Variants in INTS10 observed in about 807,000 individuals in gnomAD.
The protein encoded by INTS10 is integrator complex subunit 10, also known as chromosome 8 open reading frame 35.
A neutral mutation model predicts 94.4 loss-of-function variants in INTS10; 44 were observed. The observed-to-expected ratio is 0.47, with a 90% CI of 0.37 to 0.60. The LOEUF (loss-of-function observed/expected upper bound fraction) is 0.60, where lower values mean the gene tolerates loss of function less well. INTS10 is among the 20% of genes least tolerant of loss of function. INTS10 has a pLI of 0.00. For missense variants in INTS10, 797 were observed against 868.7 expected (o/e 0.92, Z 1.04); for synonymous variants, 341 against 320.7 (o/e 1.06, Z -0.68).
At position 19,826,354 on chromosome 8, in the gene INTS10, T is replaced by A. The variant is rs892645797; in HGVS notation, c.1007-72T>A. On this transcript the variant is annotated intron_variant, in intron 8 of 16. Transcript: ENST00000397977. ...GCCTCAGCCTCCCAAAGGGCTGGGA[T>A]TGCAGGCATGAGCCACCGCGCCTGG... The A allele has an allele frequency of 2.1e-5, 31 of 1,478,192 alleles. No individual in the cohort carries two copies. In the African/African-American group the frequency reaches 3.9e-4, roughly 18 times the overall value. 91.6% of individuals were successfully genotyped at this position (1,478,192 alleles called of 1,614,324 possible).
At chr8:19,823,155 A>G (rs528760711) in intron 5 of INTS10, 146 bp from the exon 6 acceptor site, 19 of 618,532 alleles carry the variant, frequency 3.1e-5, no homozygotes, top group Non-Finnish European at 5.1e-5. Context: ...TCTGCACAGC[A>G]CATTTTGAAT....
At chr8:19,820,007 T>A (rs989749143) in intron 3 of INTS10, among the ~76,000 whole-genome samples, 2 of 152,226 alleles carry the variant, frequency 1.3e-5, no homozygotes, top group Admixed American at 1.3e-4. Context: ...TCTTTAAACT[T>A]CTGTATGTTG....
In INTS10 at chr8:19,817,530, C is replaced by T. The variant is rs765894335; in HGVS notation, c.-8C>T. ...GCTTCGGGCTGGCGGCTGGAGAGCG[C>T]TCGGGTCATGTCTGCCCAGGGGGAC... is the stretch of plus-strand genomic sequence containing the variant. On this transcript the variant is annotated 5_prime_UTR_variant, in exon 1 of 17. Coordinates refer to ENST00000397977, the MANE Select transcript of INTS10 (RefSeq NM_018142.4). 1 of 1,604,808 alleles carries T rather than the reference C, an allele frequency of 6.2e-7. No homozygotes were observed. Among genetic ancestry groups the T allele is most frequent in the South Asian group, 1.1e-5 (1 of 89,700 alleles).
chr8:19,844,365 A>G lies in INTS10; in HGVS notation c.1882+127A>G, dbSNP rs1485692744. 12 of 734,840 alleles carry G rather than the reference A, an allele frequency of 1.6e-5. No individual in the cohort carries two copies. In the East Asian group the frequency reaches 3.3e-4, roughly 20 times the overall value. 45.5% of individuals were successfully genotyped at this position (734,840 alleles called of 1,614,324 possible). A position where few individuals can be genotyped will look rare whatever the true frequency, so the allele number is the denominator to read the frequency against. On this transcript the variant is annotated intron_variant, in intron 15 of 16. Coordinates refer to ENST00000397977, the MANE Select transcript of INTS10 (RefSeq NM_018142.4). ...TACTATTTTGCAGCGAAGAGAAGGAATGGGGATTAAAACTGGGGCTGTGGC... is the reference window on the plus strand; with the variant it reads ...TACTATTTTGCAGCGAAGAGAAGGAGTGGGGATTAAAACTGGGGCTGTGGC...
chr8:19,828,721 G>GTT (rs2066995608), intron 9 of INTS10, among the ~76,000 whole-genome samples: 1 of 144,970 alleles, frequency 6.9e-6, no homozygotes, highest in Non-Finnish European at 1.5e-5. Context: ...ATACGGTTGT[G>GTT]GTTTTTTTTT....
At position 19,842,874 on chromosome 8, in the gene INTS10, AC is replaced by A; in HGVS notation, c.1668del (p.Ser557AlafsTer11). The A allele has an allele frequency of 1.2e-6, 2 of 1,613,102 alleles. No individual in the cohort carries two copies. Among genetic ancestry groups the A allele is most frequent in the Non-Finnish European group, 1.7e-6 (2 of 1,179,078 alleles). Reference sequence around the variant, plus strand: ...TTCGGATCTGAAGCTCCTGCCTTGTACCAGCAAGGCTATCATGCCATACTGC... The same window carrying A: ...TTCGGATCTGAAGCTCCTGCCTTGTACAGCAAGGCTATCATGCCATACTGC... ...KGSDLKLLPC[T>X]SKAIMPYCLH... On this transcript the variant is annotated frameshift_variant, in exon 14 of 17. Transcript: ENST00000397977. LOFTEE classifies it high-confidence loss of function.
At chr8:19,832,817 C>T (rs1378413329) in intron 11 of INTS10, among the ~76,000 whole-genome samples, 1 of 152,152 alleles carries the variant, frequency 6.6e-6, no homozygotes, top group Non-Finnish European at 1.5e-5. Context: ...GTTGCTGCTT[C>T]CATCCTTCAT....
At chr8:19,818,137 G>C in intron 1 of INTS10, 138 bp from the exon 2 acceptor site, 1 of 812,680 alleles carries the variant, frequency 1.2e-6, no homozygotes, top group South Asian at 1.4e-5. Context: ...AGTCTGCCAT[G>C]TATGTGGCGC....
rs2068279780 is a variant in INTS10 at position 19,843,166 on chromosome 8, T to C, written c.1719+239T>C. On this transcript the variant is annotated intron_variant, in intron 14 of 16. Coordinates refer to ENST00000397977, the MANE Select transcript of INTS10 (RefSeq NM_018142.4). This position sits in a 1 kb window ranked among gnomAD's most constrained non-coding sequence, Gnocchi z 4.7. The stretch of plus-strand genomic sequence containing the variant: ...AAAAAGTGTAATAGTGGGACAGATA[T>C]GCAAATAACCTTGACTGTTGTAGTG... Among the ~76,000 whole-genome samples, 1 of 152,222 alleles carries C rather than the reference T, an allele frequency of 6.6e-6. No individual in the cohort carries two copies. Among genetic ancestry groups the C allele is most frequent in the African/African-American group, 2.4e-5 (1 of 41,452 alleles).
chr8:19,849,007 C>A lies in INTS10; in HGVS notation c.1977-2642C>A. ...GGCTGGCTAGCTTCTCCCCAGTCTC[C>A]TTAAACACCCAGCCACGGCCAGGGG... On this transcript the variant is annotated intron_variant, in intron 16 of 16. Transcript: ENST00000397977. This position sits in a 1 kb window ranked among gnomAD's most constrained non-coding sequence, Gnocchi z 4.6. 1 of 323,292 alleles carries A rather than the reference C, an allele frequency of 3.1e-6. No homozygotes were observed. 20.0% of individuals were successfully genotyped at this position (323,292 alleles called of 1,614,324 possible).
chr8:19,831,666 G>A (rs946976913), intron 10 of INTS10, among the ~76,000 whole-genome samples: 8 of 152,190 alleles, frequency 5.3e-5, no homozygotes, highest in Admixed American at 1.3e-4. Flanking sequence ...CTGCCAGCCT[G>A]GGTGACAGGG....
rs2069024976 is a variant in INTS10 at position 19,851,445 on chromosome 8, GA to G, written c.1977-201del. Among the ~76,000 whole-genome samples, 1 of 152,244 alleles carries G rather than the reference GA, an allele frequency of 6.6e-6. No homozygotes were observed. ...TTTGAAGTAACCTTTTATAGAGTGA[GA>G]AAGATGTCTGTCTAGTTTTAAGTCT... On this transcript the variant is annotated intron_variant, in intron 16 of 16. Transcript: ENST00000397977. The surrounding 1 kb of genome is among the most constrained non-coding windows in gnomAD (Gnocchi z 5.0).
At chr8:19,839,489 CAG>C (rs926204413) in intron 13 of INTS10, among the ~76,000 whole-genome samples, 18 of 152,084 alleles carry the variant, frequency 1.2e-4, no homozygotes, top group Non-Finnish European at 2.9e-5. Context: ...TGCTTGAGCC[CAG>C]GAGCCCAAAC....
At chr8:19,848,062 A>G (rs1215731361) in intron 16 of INTS10, among the ~76,000 whole-genome samples, 1 of 152,240 alleles carries the variant, frequency 6.6e-6, no homozygotes, top group East Asian at 1.9e-4. Context: ...CTCAAGGTTA[A>G]TTACTTATGC....
Position 19,817,568 on chromosome 8 carries a change from G to T in INTS10, c.31G>T (p.Val11Leu), listed in dbSNP as rs778968262. 2.6e-5 allele frequency: 42 copies of T among 1,609,014 alleles called. 1 individual carries two copies. The highest frequency in any genetic ancestry group is 1.8e-4 in the Middle Eastern group (1 of 5,430). Reference protein sequence around the residue: MSAQGDCEFLVQRARELVPQD... With the variant: MSAQGDCEFLLQRARELVPQD... ...TGCCCAGGGGGACTGCGAGTTCCTG[G>T]TGCAGCGAGCCCGGGAGTTGGTGCC... Residue 11 changes from valine to leucine, a missense_variant, in exon 1 of 17, where the codon GTG becomes TTG. Around this residue, in one of 3 missense-constraint regions of INTS10, gnomAD observed 734 missense variants for 787.8 expected, o/e 0.93. Coordinates refer to ENST00000397977, the MANE Select transcript of INTS10 (RefSeq NM_018142.4).
chr8:19,835,535 G>A (rs1470812151), intron 12 of INTS10, among the ~76,000 whole-genome samples: 1 of 152,204 alleles, frequency 6.6e-6, no homozygotes, highest in Non-Finnish European at 1.5e-5. Context: ...TCTTTGTTGG[G>A]TCCAAAGACG....
chr8:19,840,715 G>A (rs1322078316), intron 13 of INTS10, among the ~76,000 whole-genome samples: 4 of 151,892 alleles, frequency 2.6e-5, no homozygotes, highest in Admixed American at 2.6e-4. Context: ...AGATTACGTT[G>A]TATATGTTTG....
At position 19,843,422 on chromosome 8, in the gene INTS10, G is replaced by A. The variant is rs2068300840; in HGVS notation, c.1719+495G>A. 6.6e-6 allele frequency among the ~76,000 whole-genome samples: 1 copy of A among 152,136 alleles called. No individual in the cohort carries two copies. Among genetic ancestry groups the A allele is most frequent in the Admixed American group, 6.6e-5 (1 of 15,260 alleles). ...GTAGAGCAGAGCCTTAGAGCAGGGA[G>A]GCTTCATTGTTTCTGGAAGGTTTGT... On this transcript the variant is annotated intron_variant, in intron 14 of 16. Coordinates refer to ENST00000397977, the MANE Select transcript of INTS10 (RefSeq NM_018142.4). This position sits in a 1 kb window ranked among gnomAD's most constrained non-coding sequence, Gnocchi z 4.7.
At chr8:19,833,451 TA>T in intron 12 of INTS10, 130 bp downstream of exon 12, 1 of 599,324 alleles carries the variant, frequency 1.7e-6, no homozygotes, top group Non-Finnish European at 2.5e-6. Flanking sequence ...ATTTATTACT[TA>T]ATCTGCTAGT....
Sources: gnomAD v4.1 joint callset for allele counts (sites outside exome capture counted in the v4.1 genomes callset) on GRCh38, gnomAD v4.1.1 for gene constraint, gnomAD v4.1.1 regional missense constraint, Gnocchi (gnomAD v3.1) non-coding constraint, MANE v1.5 for transcripts, NCBI Gene and HGNC (gene_info 2026-07-23, HGNC 2026-07-21) for gene names.